Variants in METAP1 observed in about 807,000 individuals in gnomAD.
METAP1 encodes the protein methionyl aminopeptidase 1.
In METAP1, 28 loss-of-function variants were observed where a neutral mutation model predicts 53.8. The observed-to-expected ratio is 0.52, with a 90% CI of 0.39 to 0.71. The LOEUF is 0.71. Among genes scored for constraint, METAP1 ranks in the 30% least tolerant of loss-of-function variants. The pLI, the probability that METAP1 is intolerant of heterozygous loss-of-function variation, is 0.00. For missense variants in METAP1, 389 were observed against 479.8 expected (o/e 0.81, Z 1.77); for synonymous variants, 181 against 165.7 (o/e 1.09, Z -0.71).
intron 1 of METAP1, among the ~76,000 whole-genome samples, chr4:99,005,051 T>C (rs1189901905): frequency 1.3e-5 from 2 of 152,200 alleles, no homozygotes; most frequent in Non-Finnish European, 2.9e-5. Context: ...AGTAAATTTT[T>C]TGGGTCATAG....
At chr4:99,026,539 G>A (rs1724577734) in intron 1 of METAP1, 1 of 984,552 alleles carries the variant, frequency 1.0e-6, no homozygotes, top group Non-Finnish European at 1.2e-6. Context: ...GGGAAGTGTG[G>A]TGTTTGCCTG....
intron 1 of METAP1, among the ~76,000 whole-genome samples, chr4:99,017,405 T>G (rs761614273): frequency 3.9e-5 from 6 of 152,246 alleles, no homozygotes; most frequent in Non-Finnish European, 5.9e-5. Context: ...CCGATTCAGT[T>G]TCCTCAAGAG....
At chr4:99,041,230 G>T in intron 6 of METAP1, 104 bp downstream of exon 6, 1 of 691,940 alleles carries the variant, frequency 1.4e-6, no homozygotes, top group Non-Finnish European at 2.2e-6. Context: ...AGGTAACTTG[G>T]GTAAACTCAT....
At chr4:99,026,938 A>G in intron 1 of METAP1, 1 of 761,520 alleles carries the variant, frequency 1.3e-6, no homozygotes, top group Middle Eastern at 6.7e-4. Flanking sequence ...CCCTTAGCTA[A>G]TGAATCTGTT....
chr4:99,034,680 T>C (rs1725300672), intron 3 of METAP1, among the ~76,000 whole-genome samples: 2 of 152,320 alleles, frequency 1.3e-5, no homozygotes, highest in East Asian at 1.9e-4. Flanking sequence ...ACTCCCCATA[T>C]AGTTACGAAA....
At chr4:99,055,209 G>A (rs1727014995) in intron 9 of METAP1, among the ~76,000 whole-genome samples, 1 of 152,002 alleles carries the variant, frequency 6.6e-6, no homozygotes, top group Non-Finnish European at 1.5e-5. Context: ...TGGCCAAAAT[G>A]GTGAAACCAC....
chr4:99,054,024 A>G (rs1726917743), intron 9 of METAP1, among the ~76,000 whole-genome samples: 1 of 147,092 alleles, frequency 6.8e-6, no homozygotes, highest in Non-Finnish European at 1.5e-5. Flanking sequence ...ATTCTTAAGG[A>G]ATCTTTAGGA....
intron 9 of METAP1, among the ~76,000 whole-genome samples, chr4:99,055,555 T>C (rs1006456110): frequency 1.1e-4 from 16 of 152,218 alleles, no homozygotes; most frequent in African/African-American, 3.9e-4. Context: ...TCTGCGATAG[T>C]ATAGTCACTC....
chr4:99,023,460 G>A, intron 1 of METAP1: 1 of 979,892 alleles, frequency 1.0e-6, no homozygotes, highest in Non-Finnish European at 1.2e-6. Context: ...TAGTTACCAG[G>A]TGACTACTCA....
chr4:99,015,217 T>C (rs538271026), intron 1 of METAP1, among the ~76,000 whole-genome samples: 1 of 152,042 alleles, frequency 6.6e-6, no homozygotes, highest in South Asian at 2.1e-4. Flanking sequence ...CCTGTCTCAA[T>C]AGCTTAAGTC....
At chr4:99,001,767 G>A (rs568660575) in intron 1 of METAP1, among the ~76,000 whole-genome samples, 1 of 152,190 alleles carries the variant, frequency 6.6e-6, no homozygotes, top group South Asian at 2.1e-4. Flanking sequence ...AATGGTACAG[G>A]ATTTGGTACA....
chr4:99,038,271 T>C (rs1208800809), intron 4 of METAP1, among the ~76,000 whole-genome samples: 1 of 152,044 alleles, frequency 6.6e-6, no homozygotes, highest in African/African-American at 2.4e-5. Flanking sequence ...TATGTTTTAT[T>C]TCTTTCTCTT....
intron 2 of METAP1, among the ~76,000 whole-genome samples, chr4:99,032,746 G>C (rs1249961495): frequency 1.3e-5 from 2 of 152,148 alleles, no homozygotes; most frequent in Non-Finnish European, 2.9e-5. Context: ...GCACTTCATA[G>C]CTGAAGCAGG....
intron 7 of METAP1, among the ~76,000 whole-genome samples, chr4:99,044,146 C>G (rs1726062736): frequency 6.6e-6 from 1 of 152,120 alleles, no homozygotes; most frequent in Admixed American, 6.5e-5. Flanking sequence ...CCAGGCTGGT[C>G]TCAAACTCCT....
intron 1 of METAP1, chr4:99,022,240 C>A: frequency 2.2e-6 from 1 of 452,518 alleles, no homozygotes; most frequent in South Asian, 1.2e-4. Flanking sequence ...CCTGGGTAGT[C>A]ATGATCATTC....
At chr4:99,038,359 C>G (rs921277786) in intron 4 of METAP1, among the ~76,000 whole-genome samples, 1 of 151,772 alleles carries the variant, frequency 6.6e-6, no homozygotes, top group Non-Finnish European at 1.5e-5. Flanking sequence ...AATGTTGGTT[C>G]TCAGTTTGAG....
Position 99,061,187 on chromosome 4 carries a change from G to A in METAP1, c.1031G>A (p.Trp344Ter), listed in dbSNP as rs1366809702. The change falls in exon 11 of 11, where the codon TGG becomes TAG. Residue 344 changes from tryptophan to a stop codon, truncating the protein, a stop_gained. Coordinates refer to ENST00000296411, the MANE Select transcript of METAP1 (RefSeq NM_015143.3). LOFTEE classifies it high-confidence loss of function. ...GWQDETWPDGWTAVTRDGKRS... is the reference protein window; with the variant it reads ...GWQDETWPDG The stretch of plus-strand genomic sequence containing the variant: ...CAGGATGAAACCTGGCCAGATGGTT[G>A]GACTGCGGTGACAAGAGACGGAAAG... 6.2e-7 allele frequency: 1 copy of A among 1,613,584 alleles called. No homozygotes were observed.
chr4:99,033,943 T>A (rs977837933), intron 2 of METAP1, among the ~76,000 whole-genome samples: 5 of 152,206 alleles, frequency 3.3e-5, no homozygotes, highest in African/African-American at 1.2e-4. Context: ...GACCTGTTCT[T>A]GTTCGATATT....
In METAP1 at chr4:99,012,620, C is replaced by T. The variant is rs1723535119; in HGVS notation, c.115-16247C>T. 4.1e-5 allele frequency among the ~76,000 whole-genome samples: 5 copies of T among 121,670 alleles called. No homozygotes were observed. In the South Asian group the frequency reaches 9.7e-4, roughly 24 times the overall value. The allele number at this position is 121,670 out of a possible 152,430, so 79.8% of individuals were successfully genotyped here. A position where few individuals can be genotyped will look rare whatever the true frequency, so the allele number is the denominator to read the frequency against. On this transcript the variant is annotated intron_variant, in intron 1 of 10. Transcript: ENST00000296411. ...TATATGTTTACAGCTGTAGACTTTC[C>T]TTTTAAAACATCTTTGGCTGTATCC...
Sources: gnomAD v4.1 joint callset for allele counts (sites outside exome capture counted in the v4.1 genomes callset) on GRCh38, gnomAD v4.1.1 for gene constraint, MANE v1.5 for transcripts, NCBI Gene and HGNC (gene_info 2026-07-23, HGNC 2026-07-21) for gene names.